The following CLPX variants were observed in gnomAD, a reference collection of about 807,000 sequenced individuals.
CLPX encodes ATP-dependent clpX-like chaperone, mitochondrial.
A neutral mutation model predicts 76.4 loss-of-function variants in CLPX; 34 were observed. The observed-to-expected ratio is 0.45, with a 90% confidence interval of 0.34 to 0.59. The LOEUF (loss-of-function observed/expected upper bound fraction) is 0.59, where lower values mean the gene tolerates loss of function less well. Ranked by LOEUF, CLPX falls within the 20% of genes least tolerant of loss-of-function variation. The probability of loss-of-function intolerance (pLI) is 0.01; values close to 1 mark genes in which losing one functional copy is unlikely to be tolerated. For synonymous variants in CLPX, 248 were observed against 270.9 expected (o/e 0.92, Z 0.83); for missense variants, 613 against 757.0 (o/e 0.81, Z 2.23).
At chr15:65,170,704 A>G (rs2087989917) in intron 3 of CLPX, among the ~76,000 whole-genome samples, 1 of 148,578 alleles carries the variant, frequency 6.7e-6, no homozygotes, top group South Asian at 2.3e-4. Flanking sequence ...TGGGAGGCGG[A>G]GGTTGCAGTG....
At position 65,155,828 on chromosome 15, in the gene CLPX, A is replaced by G; in HGVS notation, c.1175T>C (p.Ile392Thr). Reference sequence around the variant, plus strand: ...GGAATTCTTTTCTGGAACATTGACTATTGTGCCTTCTAGTAGTTTTAATAA... The same window carrying G: ...GGAATTCTTTTCTGGAACATTGACTGTTGTGCCTTCTAGTAGTTTTAATAA... ...QGLLKLLEGT[I>T]VNVPEKNSRK... The change falls in exon 10 of 14, where the codon ATA becomes ACA. Residue 392 changes from isoleucine (I) to threonine (T), a missense_variant. This residue lies in a region of CLPX where 450 missense variants were observed against 638.6 expected (regional missense o/e 0.70). Transcript: ENST00000300107. 1 of 1,613,948 alleles carries G rather than the reference A, an allele frequency of 6.2e-7. No homozygotes were observed. The highest frequency in any genetic ancestry group is 1.1e-5 in the South Asian group (1 of 91,076).
intron 1 of CLPX, 109 bp downstream of exon 1, chr15:65,184,966 C>T: frequency 1.1e-6 from 1 of 918,424 alleles, no homozygotes; most frequent in Non-Finnish European, 1.7e-6. Flanking sequence ...CATTCCCTCA[C>T]ACTCCCCGGG....
intron 2 of CLPX, among the ~76,000 whole-genome samples, chr15:65,179,392 T>C (rs2088133932): frequency 6.6e-6 from 1 of 152,224 alleles, no homozygotes; most frequent in Admixed American, 6.5e-5. Context: ...GTTATTATCA[T>C]GGTAGGTAGT....
chr15:65,161,679 T>C (rs2087858175), intron 6 of CLPX, among the ~76,000 whole-genome samples: 1 of 152,186 alleles, frequency 6.6e-6, no homozygotes, highest in Admixed American at 6.6e-5. Context: ...TGACTGCATA[T>C]CTGAATATAT....
intron 3 of CLPX, among the ~76,000 whole-genome samples, chr15:65,175,453 G>A (rs1048872912): frequency 1.3e-5 from 2 of 152,224 alleles, no homozygotes; most frequent in African/African-American, 2.4e-5. Flanking sequence ...CCAAGATCGC[G>A]CCACTGCACT....
chr15:65,174,620 G>A (rs529847966), intron 3 of CLPX, among the ~76,000 whole-genome samples: 1 of 152,226 alleles, frequency 6.6e-6, no homozygotes, highest in South Asian at 2.1e-4. Flanking sequence ...TATGAATGAT[G>A]ATATCTCAAA....
At chr15:65,169,282 G>A (rs182101131) in intron 3 of CLPX, among the ~76,000 whole-genome samples, 1 of 152,042 alleles carries the variant, frequency 6.6e-6, no homozygotes. Context: ...AAAATCTTCT[G>A]TAGAGACAGG....
At chr15:65,180,997 G>A (rs1021298439) in intron 1 of CLPX, among the ~76,000 whole-genome samples, 5 of 148,824 alleles carry the variant, frequency 3.4e-5, no homozygotes, top group Non-Finnish European at 6.0e-5. Context: ...CCCAGGGTTC[G>A]AGACCAGCCT....
intron 3 of CLPX, among the ~76,000 whole-genome samples, chr15:65,176,015 T>A (rs143907020): frequency 2.6e-5 from 4 of 152,206 alleles, no homozygotes; most frequent in Non-Finnish European, 5.9e-5. Flanking sequence ...ATTTTGCACA[T>A]AAGTGTGTGC....
At position 65,182,127 on chromosome 15, in the gene CLPX, A is replaced by C. The variant is rs558526690; in HGVS notation, c.80-1923T>G. 5.9e-5 allele frequency among the ~76,000 whole-genome samples: 9 copies of C among 151,838 alleles called. 1 individual carries two copies. Among genetic ancestry groups the C allele is most frequent in the African/African-American group, 1.9e-4 (8 of 41,496 alleles). On this transcript the variant is annotated intron_variant, in intron 1 of 13. Coordinates refer to ENST00000300107, the MANE Select transcript of CLPX (RefSeq NM_006660.5). The stretch of plus-strand genomic sequence containing the variant: ...AACAGAGTCTCCGTCTCAAAAAAAA[A>C]AAAAAAGAAAGAAAGAAAGAAAAAG...
In CLPX at chr15:65,164,032, T is replaced by C. The variant is rs2087881317; in HGVS notation, c.670A>G (p.Arg224Gly). 1 of 1,612,990 alleles carries C rather than the reference T, an allele frequency of 6.2e-7. No individual in the cohort carries two copies. The highest frequency in any genetic ancestry group is 1.3e-5 in the African/African-American group (1 of 74,892). Residue 224 changes from arginine (R) to glycine (G), a missense_variant, in exon 5 of 14, where the codon AGA (arginine) becomes GGA (glycine). Transcript: ENST00000300107. ...EVEKQTSLTPRELEIRRREDE... is the reference protein window; with the variant it reads ...EVEKQTSLTPGELEIRRREDE... ...GGTCAATTATCAAAAACGCTACCTCTTGGTGTTAATGATGTCTGCTTCTCA... is the reference window on the plus strand; with the variant it reads ...GGTCAATTATCAAAAACGCTACCTCCTGGTGTTAATGATGTCTGCTTCTCA...
At chr15:65,160,306 A>C (rs2087837638) in intron 6 of CLPX, among the ~76,000 whole-genome samples, 1 of 152,180 alleles carries the variant, frequency 6.6e-6, no homozygotes, top group South Asian at 2.1e-4. Context: ...AGCATTCCAT[A>C]AACATCTGGA....
rs571174573 is a variant in CLPX at position 65,156,073 on chromosome 15, T to C, written c.1147-217A>G. ...TGAAATGGTTACAGAACTTGATGCA[T>C]TGTAATTCAGGAAAACAGTCAACCT... is the stretch of plus-strand genomic sequence containing the variant. On this transcript the variant is annotated intron_variant, in intron 9 of 13. Transcript: ENST00000300107. Among the ~76,000 whole-genome samples the C allele has an allele frequency of 1.1e-4, 17 of 152,314 alleles. No individual in the cohort carries two copies. The South Asian group carries it at 3.3e-3, about 30-fold the overall frequency.
intron 4 of CLPX, among the ~76,000 whole-genome samples, chr15:65,165,575 C>T (rs976831931): frequency 2.0e-5 from 3 of 151,234 alleles, no homozygotes; most frequent in Non-Finnish European, 3.0e-5. Flanking sequence ...TTAGTAGAGA[C>T]GGGGTTTCAC....
chr15:65,162,726 C>T, intron 5 of CLPX, 81 bp from the exon 6 acceptor site: 1 of 733,318 alleles, frequency 1.4e-6, no homozygotes, highest in Non-Finnish European at 2.3e-6. Flanking sequence ...TGTCCTCTTT[C>T]AAATATATTT....
In CLPX at chr15:65,150,157, T is replaced by A. The variant is rs931107006; in HGVS notation, c.*666A>T. The A allele has an allele frequency of 2.6e-5, 4 of 152,196 alleles. No homozygotes were observed. Among genetic ancestry groups the A allele is most frequent in the Non-Finnish European group, 5.9e-5 (4 of 68,072 alleles). The allele number at this position is 152,196 out of a possible 1,614,324, so 9.4% of individuals were successfully genotyped here. ...TCACTGTAAACTCTGCCCTCCGAGT[T>A]CAAGCGATTCTCCTGCCTCAGCCTC... On this transcript the variant is annotated 3_prime_UTR_variant, in exon 14 of 14. Transcript: ENST00000300107.
intron 3 of CLPX, among the ~76,000 whole-genome samples, chr15:65,175,906 C>T (rs1170731964): frequency 6.6e-6 from 1 of 152,182 alleles, no homozygotes; most frequent in African/African-American, 2.4e-5. Context: ...GCTCACTGCA[C>T]TGCTAGGGCC....
Position 65,181,464 on chromosome 15 carries a change from T to C in CLPX, c.80-1260A>G, listed in dbSNP as rs115062207. Among the ~76,000 whole-genome samples, 669 of 152,106 alleles carry C rather than the reference T, an allele frequency of 4.4e-3. 9 individuals are homozygous for C. The highest frequency in any genetic ancestry group is 0.015 in the African/African-American group (619 of 41,508). On this transcript the variant is annotated intron_variant, in intron 1 of 13. Coordinates refer to ENST00000300107, the MANE Select transcript of CLPX (RefSeq NM_006660.5). ...TATGTATCTTACCACAATAAAAAAA[T>C]TGAAGGAGCCAGGTGTGATGGCTCA...
Position 65,150,515 on chromosome 15 carries a change from C to T in CLPX, c.*308G>A, listed in dbSNP as rs1034130070. 2 of 205,626 alleles carry T rather than the reference C, an allele frequency of 9.7e-6. No individual in the cohort carries two copies. Among genetic ancestry groups the T allele is most frequent in the African/African-American group, 2.3e-5 (1 of 43,472 alleles). The allele number at this position is 205,626 out of a possible 1,614,324, so 12.7% of individuals were successfully genotyped here. A position where few individuals can be genotyped will look rare whatever the true frequency, so the allele number is the denominator to read the frequency against. ...ACATTATTGTAAAATCTACAGTTAT[C>T]GCAATACCTGCATTGCTTAAAAGAA... is the stretch of plus-strand genomic sequence containing the variant. On this transcript the variant is annotated 3_prime_UTR_variant, in exon 14 of 14. Transcript: ENST00000300107.
Sources: gnomAD v4.1 joint callset for allele counts (sites outside exome capture counted in the v4.1 genomes callset) on GRCh38, gnomAD v4.1.1 for gene constraint, gnomAD v4.1.1 regional missense constraint, MANE v1.5 for transcripts, NCBI Gene and HGNC (gene_info 2026-07-23, HGNC 2026-07-21) for gene names.